Variants in PCCA observed in about 807,000 individuals in gnomAD.
The protein encoded by PCCA is propionyl-CoA carboxylase subunit alpha.
In PCCA, 74 loss-of-function variants were observed where a neutral mutation model predicts 101.3. The observed-to-expected ratio is 0.73, with a 90% CI of 0.61 to 0.89. The LOEUF is 0.89. Ranked by LOEUF, PCCA falls within the 40% of genes least tolerant of loss-of-function variation. The pLI, the probability that PCCA is intolerant of heterozygous loss-of-function variation, is 0.00. For synonymous variants in PCCA, 294 were observed against 313.6 expected, an observed-to-expected ratio of 0.94 and a Z score of 0.66; for missense variants, 891 against 907.0, an observed-to-expected ratio of 0.98 and a Z score of 0.23.
intron 8 of PCCA, among the ~76,000 whole-genome samples, chr13:100,240,266 G>T (rs1030994176): frequency 2.0e-5 from 3 of 151,774 alleles, no homozygotes; most frequent in African/African-American, 4.8e-5. Context: ...TTTGACACCT[G>T]CTTTTCTCTC....
chr13:100,527,154 C>T, intron 22 of PCCA: 1 of 339,236 alleles, frequency 2.9e-6, no homozygotes, highest in Non-Finnish European at 5.9e-6. Context: ...TACAATTTAG[C>T]CCTTTAACGT....
At chr13:100,271,127 G>T (rs1214063833) in intron 11 of PCCA, among the ~76,000 whole-genome samples, 1 of 152,188 alleles carries the variant, frequency 6.6e-6, no homozygotes, top group Non-Finnish European at 1.5e-5. Flanking sequence ...AAGGGCAAGG[G>T]CAAGATCAAA....
chr13:100,529,965 TG>T, intron 23 of PCCA, 132 bp from the exon 24 acceptor site: 1 of 744,612 alleles, frequency 1.3e-6, no homozygotes, highest in East Asian at 2.7e-5. Flanking sequence ...TCCGGTGGGG[TG>T]GGGTGGCTTG....
chr13:100,297,788 T>C (rs1021193291), intron 12 of PCCA, among the ~76,000 whole-genome samples: 2 of 152,206 alleles, frequency 1.3e-5, no homozygotes, highest in African/African-American at 4.8e-5. Flanking sequence ...TCCTATAATA[T>C]GGCATTTGAT....
intron 18 of PCCA, among the ~76,000 whole-genome samples, chr13:100,353,356 A>C (rs1053986123): frequency 2.0e-5 from 3 of 152,204 alleles, no homozygotes; most frequent in African/African-American, 7.2e-5. Flanking sequence ...TCCAGGCTAG[A>C]CCATATTTAC....
At chr13:100,211,382 A>G (rs1219908417) in intron 7 of PCCA, among the ~76,000 whole-genome samples, 1 of 151,894 alleles carries the variant, frequency 6.6e-6, no homozygotes, top group Non-Finnish European at 1.5e-5. Context: ...CCTCATTCCT[A>G]CTGAATTTCT....
In PCCA at chr13:100,223,289, G is replaced by A. The variant is rs538485052; in HGVS notation, c.601-12553G>A. ...CAAGAATGAAGCCGCGGACCCTCGC[G>A]GTGAGTGTTACAGCTCTTAAGGTGG... is the stretch of plus-strand genomic sequence containing the variant. On this transcript the variant is annotated intron_variant, in intron 7 of 23. Coordinates refer to ENST00000376285, the MANE Select transcript of PCCA (RefSeq NM_000282.4). Among the ~76,000 whole-genome samples, 110 of 152,258 alleles carry A rather than the reference G, an allele frequency of 7.2e-4. 1 individual carries two copies. The highest frequency in any genetic ancestry group is 1.1e-3 in the Non-Finnish European group (77 of 68,008).
chr13:100,092,830 T>G (rs111719516), intron 1 of PCCA, among the ~76,000 whole-genome samples: 7 of 152,328 alleles, frequency 4.6e-5, no homozygotes, highest in African/African-American at 1.4e-4. Context: ...GAGGTTAATG[T>G]TTCCAACATG....
chr13:100,243,293 T>A lies in PCCA; in HGVS notation c.637+7415T>A, dbSNP rs72658543. Among the ~76,000 whole-genome samples the A allele has an allele frequency of 9.4e-3, 1,434 of 152,330 alleles. 15 individuals carry two copies. Among genetic ancestry groups the A allele is most frequent in the Middle Eastern group, 0.014 (4 of 294 alleles). On this transcript the variant is annotated intron_variant, in intron 8 of 23. Transcript: ENST00000376285. Reference sequence around the variant, plus strand: ...GAGTATATATTCAGCAAGTGGTTATTTGGTGAATAAATCAAAATGAAATAT... The same window carrying A: ...GAGTATATATTCAGCAAGTGGTTATATGGTGAATAAATCAAAATGAAATAT...
intron 5 of PCCA, among the ~76,000 whole-genome samples, chr13:100,156,397 G>A (rs542956780): frequency 1.3e-5 from 2 of 152,282 alleles, no homozygotes; most frequent in African/African-American, 2.4e-5. Context: ...TCGCTGATAC[G>A]TAGCTATTTC....
intron 11 of PCCA, among the ~76,000 whole-genome samples, chr13:100,269,991 A>G (rs141357703): frequency 6.6e-6 from 1 of 152,338 alleles, no homozygotes; most frequent in African/African-American, 2.4e-5. Flanking sequence ...ATGCTGTGCC[A>G]GTTTCCAGCC....
intron 16 of PCCA, among the ~76,000 whole-genome samples, chr13:100,326,559 A>T (rs2152725948): frequency 6.6e-6 from 1 of 152,316 alleles, no homozygotes; most frequent in African/African-American, 2.4e-5. Flanking sequence ...AAGGCAGACA[A>T]AAATTACAAA....
In PCCA at chr13:100,207,258, C is replaced by T. The variant is rs78142228; in HGVS notation, c.469-2074C>T. Among the ~76,000 whole-genome samples the T allele has an allele frequency of 4.1e-3, 625 of 152,288 alleles. 11 individuals carry two copies. The highest frequency in any genetic ancestry group is 0.014 in the African/African-American group (600 of 41,568). On this transcript the variant is annotated intron_variant, in intron 6 of 23. Transcript: ENST00000376285. ...CTCAAAGAAATGGGTGCTTTAGACTCAGGGTCTAAAATTTCCCTTTTCTTT... is the reference window on the plus strand; with the variant it reads ...CTCAAAGAAATGGGTGCTTTAGACTTAGGGTCTAAAATTTCCCTTTTCTTT...
intron 19 of PCCA, among the ~76,000 whole-genome samples, chr13:100,390,976 A>C (rs145173003): frequency 1.6e-4 from 25 of 152,152 alleles, no homozygotes; most frequent in Non-Finnish European, 3.1e-4. Context: ...ATTTTTGATG[A>C]TTAAAGAATA....
chr13:100,236,155 T>C (rs979907130), intron 8 of PCCA, among the ~76,000 whole-genome samples: 1 of 152,218 alleles, frequency 6.6e-6, no homozygotes, highest in Non-Finnish European at 1.5e-5. Context: ...TTCTAAAGAT[T>C]GGATATAAGT....
chr13:100,405,217 G>C (rs2077603209), intron 19 of PCCA, among the ~76,000 whole-genome samples: 1 of 152,144 alleles, frequency 6.6e-6, no homozygotes, highest in Non-Finnish European at 1.5e-5. Context: ...GGAAACCTCG[G>C]AGTGATGGGC....
chr13:100,209,559 T>TACACACAC lies in PCCA; in HGVS notation c.600+106_600+113dup, dbSNP rs34598548. 41 of 798,802 alleles carry TACACACAC rather than the reference T, an allele frequency of 5.1e-5. No individual in the cohort carries two copies. The East Asian group carries it at 1.2e-3, about 22-fold the overall frequency. The allele number at this position is 798,802 out of a possible 1,614,324, so 49.5% of individuals were successfully genotyped here. ...ATGTAACTATTGCTTTTTTGGGATATACACACACACACACACATATGCACG... is the reference window on the plus strand; with the variant it reads ...ATGTAACTATTGCTTTTTTGGGATATACACACACACACACACACACACACATATGCACG... On this transcript the variant is annotated intron_variant, in intron 7 of 23. Transcript: ENST00000376285.
intron 21 of PCCA, among the ~76,000 whole-genome samples, chr13:100,451,895 TCTTCCTCTC>T (rs1306532120): frequency 1.5e-5 from 1 of 68,234 alleles, no homozygotes; most frequent in African/African-American, 5.9e-5. Context: ...CTCTCTCTCC[TCTTCCTCTC>T]CTCTCTCCTC....
chr13:100,203,300 T>C (rs2058650714), intron 6 of PCCA, among the ~76,000 whole-genome samples: 1 of 150,534 alleles, frequency 6.6e-6, no homozygotes, highest in Non-Finnish European at 1.5e-5. Flanking sequence ...AGAAATGAGA[T>C]GATAGTTTTG....
Sources: gnomAD v4.1 joint callset for allele counts (sites outside exome capture counted in the v4.1 genomes callset) on GRCh38, gnomAD v4.1.1 for gene constraint, MANE v1.5 for transcripts, NCBI Gene and HGNC (gene_info 2026-07-23, HGNC 2026-07-21) for gene names.